Variants in EHF observed in about 807,000 individuals in gnomAD.
EHF encodes ETS homologous factor.
EHF carries 14 observed loss-of-function variants against 45.1 expected under a neutral mutation model. The ratio of observed to expected loss-of-function variants is 0.31; its 90% CI spans 0.21 to 0.49. EHF has a LOEUF of 0.49. Among genes scored for constraint, EHF ranks in the 20% least tolerant of loss-of-function variants. EHF has a pLI of 0.99. For synonymous variants in EHF, 136 were observed against 131.8 expected (o/e 1.03, Z -0.22); for missense variants, 282 against 371.4 (o/e 0.76, Z 1.98).
At chr11:34,631,616 G>A in intron 1 of EHF, 1 of 977,614 alleles carries the variant, frequency 1.0e-6, no homozygotes, top group East Asian at 1.1e-4. Flanking sequence ...GGTCTACACA[G>A]CCCGATTTTG....
chr11:34,662,210 C>T lies in EHF; in HGVS notation c.*3279C>T, dbSNP rs755645588. ...TGAATGAATGTCTTCTAAAAGACTCCTCTGATTGGGAGACCATATCTATAA... is the reference window on the plus strand; with the variant it reads ...TGAATGAATGTCTTCTAAAAGACTCTTCTGATTGGGAGACCATATCTATAA... On this transcript the variant is annotated 3_prime_UTR_variant, in exon 9 of 9. Coordinates refer to ENST00000257831, the MANE Select transcript of EHF (RefSeq NM_012153.6). 5.9e-5 allele frequency among the ~76,000 whole-genome samples: 9 copies of T among 152,084 alleles called. No individual in the cohort carries two copies. Among genetic ancestry groups the T allele is most frequent in the Admixed American group, 5.2e-4 (8 of 15,242 alleles).
intron 1 of EHF, among the ~76,000 whole-genome samples, chr11:34,640,250 C>G (rs2134085671): frequency 6.6e-6 from 1 of 152,294 alleles, no homozygotes; most frequent in African/African-American, 2.4e-5. Flanking sequence ...GCACAGCCTC[C>G]ACGCCACCCT....
intron 1 of EHF, among the ~76,000 whole-genome samples, chr11:34,623,384 C>T (rs1360085719): frequency 6.6e-6 from 1 of 151,928 alleles, no homozygotes; most frequent in African/African-American, 2.4e-5. Context: ...CCGTGCCCAG[C>T]CATATTGTTT....
chr11:34,633,442 C>A (rs1464309398), intron 1 of EHF, among the ~76,000 whole-genome samples: 2 of 152,098 alleles, frequency 1.3e-5, no homozygotes, highest in Non-Finnish European at 2.9e-5. Context: ...ACCAGAAAAT[C>A]TCAATGGCGA....
intron 1 of EHF, among the ~76,000 whole-genome samples, chr11:34,641,599 C>T (rs1246496773): frequency 6.6e-6 from 1 of 152,140 alleles, no homozygotes; most frequent in East Asian, 1.9e-4. Flanking sequence ...TTCCTCTCCC[C>T]ACCCCAACAT....
intron 1 of EHF, among the ~76,000 whole-genome samples, chr11:34,625,496 C>T (rs78045589): frequency 2.0e-5 from 3 of 152,236 alleles, no homozygotes; most frequent in East Asian, 1.9e-4. Context: ...CTGAGTAGAT[C>T]GAACGTATGT....
At chr11:34,624,559 T>C (rs147629284) in intron 1 of EHF, among the ~76,000 whole-genome samples, 1 of 152,280 alleles carries the variant, frequency 6.6e-6, no homozygotes, top group African/African-American at 2.4e-5. Flanking sequence ...GAACGGGGTT[T>C]CAAAGGGCCA....
At chr11:34,640,548 C>A (rs750747012) in intron 1 of EHF, among the ~76,000 whole-genome samples, 28 of 152,204 alleles carry the variant, frequency 1.8e-4, no homozygotes, top group Admixed American at 5.2e-4. Flanking sequence ...CCTGGGCCCC[C>A]CTCCTTCCAC....
At chr11:34,658,245 T>C (rs1033937585) in intron 7 of EHF, among the ~76,000 whole-genome samples, 2 of 152,194 alleles carry the variant, frequency 1.3e-5, no homozygotes, top group African/African-American at 4.8e-5. Flanking sequence ...ACCTAAGACC[T>C]ATTGCTTAGT....
chr11:34,646,031 T>G (rs1363390735), intron 2 of EHF, among the ~76,000 whole-genome samples: 1 of 60,598 alleles, frequency 1.7e-5, no homozygotes, highest in Non-Finnish European at 2.9e-5. Context: ...TTTGGTGGTG[T>G]GTGTGTGTGT....
intron 7 of EHF, among the ~76,000 whole-genome samples, chr11:34,657,674 C>T (rs933714241): frequency 4.0e-5 from 6 of 151,824 alleles, no homozygotes; most frequent in African/African-American, 1.5e-4. Context: ...CCTGTAGTCC[C>T]ATCTACTTGG....
chr11:34,621,268 C>G (rs1851976724), intron 1 of EHF, 40 bp downstream of exon 1: 1 of 152,114 alleles, frequency 6.6e-6, no homozygotes, highest in African/African-American at 2.4e-5. Flanking sequence ...AATCTGGAAT[C>G]CAAACACTTG....
chr11:34,648,377 A>G (rs896234949), intron 3 of EHF, among the ~76,000 whole-genome samples: 1 of 151,744 alleles, frequency 6.6e-6, no homozygotes, highest in African/African-American at 2.4e-5. Context: ...GCATACATAT[A>G]TATGCTTTTA....
chr11:34,646,102 G>A (rs564593010), intron 2 of EHF, among the ~76,000 whole-genome samples: 1 of 151,396 alleles, frequency 6.6e-6, no homozygotes, highest in Admixed American at 6.6e-5. Flanking sequence ...GAGAGTGAGT[G>A]AGAGAGAAGA....
intron 1 of EHF, among the ~76,000 whole-genome samples, chr11:34,627,265 T>G (rs958853480): frequency 6.6e-6 from 1 of 152,030 alleles, no homozygotes; most frequent in Non-Finnish European, 1.5e-5. Flanking sequence ...AAATTGAACC[T>G]TGTTTTGAGT....
chr11:34,623,300 G>A (rs567248482), intron 1 of EHF, among the ~76,000 whole-genome samples: 1 of 152,052 alleles, frequency 6.6e-6, no homozygotes, highest in African/African-American at 2.4e-5. Flanking sequence ...CAGCCAGGCT[G>A]GTTTTGAACT....
At chr11:34,649,637 C>T (rs1854943997) in intron 4 of EHF, among the ~76,000 whole-genome samples, 1 of 152,192 alleles carries the variant, frequency 6.6e-6, no homozygotes, top group Non-Finnish European at 1.5e-5. Flanking sequence ...ATGCTGGGCT[C>T]TGAGCAGAGT....
At chr11:34,623,005 C>T (rs942360117) in intron 1 of EHF, among the ~76,000 whole-genome samples, 10 of 152,134 alleles carry the variant, frequency 6.6e-5, no homozygotes, top group African/African-American at 2.4e-4. Flanking sequence ...TTGATTCAGG[C>T]CTCGTTTGTT....
intron 1 of EHF, among the ~76,000 whole-genome samples, chr11:34,629,978 G>A (rs1422603890): frequency 6.6e-6 from 1 of 152,176 alleles, no homozygotes; most frequent in Non-Finnish European, 1.5e-5. Context: ...AAGCCAGACT[G>A]AAGTTCTGAT....
Sources: allele counts gnomAD v4.1 joint callset (sites outside exome capture counted in the v4.1 genomes callset), GRCh38; gene constraint gnomAD v4.1.1; transcripts MANE v1.5; gene names NCBI Gene and HGNC (gene_info 2026-07-23, HGNC 2026-07-21).